The following CPNE4 variants were observed in gnomAD, a reference collection of about 807,000 sequenced individuals.
The protein encoded by CPNE4 is copine-4.
A neutral mutation model predicts 67.9 loss-of-function variants in CPNE4; 25 were observed. That is an observed-to-expected ratio of 0.37 (90% CI 0.27 to 0.51). The LOEUF is 0.51. Ranked by LOEUF, CPNE4 falls within the 20% of genes least tolerant of loss-of-function variation. The pLI, the probability that CPNE4 is intolerant of heterozygous loss-of-function variation, is 0.93. For missense variants in CPNE4, 464 were observed against 690.8 expected, an observed-to-expected ratio of 0.67 and a Z score of 3.68; for synonymous variants, 242 against 244.9, an observed-to-expected ratio of 0.99 and a Z score of 0.11.
At chr3:131,845,877 G>A (rs1368294322) in intron 2 of CPNE4, among the ~76,000 whole-genome samples, 1 of 152,142 alleles carries the variant, frequency 6.6e-6, no homozygotes, top group African/African-American at 2.4e-5. Context: ...TACATGCTTT[G>A]TATTGTGACA....
chr3:131,632,176 AT>A (rs1348388041), intron 7 of CPNE4, among the ~76,000 whole-genome samples: 16 of 151,526 alleles, frequency 1.1e-4, no homozygotes, highest in Non-Finnish European at 5.9e-5. Flanking sequence ...TGCCTGGCTA[AT>A]TTTTGTATTT....
intron 7 of CPNE4, among the ~76,000 whole-genome samples, chr3:131,659,697 C>T (rs1026829953): frequency 6.6e-6 from 1 of 152,192 alleles, no homozygotes; most frequent in African/African-American, 2.4e-5. Context: ...CTTTTGGCCT[C>T]TTCCCTCATA....
chr3:131,845,144 A>G (rs1051547930), intron 2 of CPNE4, among the ~76,000 whole-genome samples: 6 of 152,226 alleles, frequency 3.9e-5, no homozygotes, highest in Non-Finnish European at 8.8e-5. Flanking sequence ...AGACCTGCTT[A>G]AAAGCCTTAG....
intron 7 of CPNE4, among the ~76,000 whole-genome samples, chr3:131,627,026 C>T (rs2079090281): frequency 6.6e-6 from 1 of 151,856 alleles, no homozygotes; most frequent in African/African-American, 2.4e-5. Flanking sequence ...AACCCTGTCT[C>T]TACTAAAAAC....
At position 131,929,487 on chromosome 3, in the gene CPNE4, T is replaced by G. The variant is rs1267398528; in HGVS notation, c.-1-24043A>C. Among the ~76,000 whole-genome samples, 3 of 152,258 alleles carry G rather than the reference T, an allele frequency of 2.0e-5. No individual in the cohort carries two copies. The East Asian group carries it at 5.8e-4, about 29-fold the overall frequency. On this transcript the variant is annotated intron_variant, in intron 1 of 15. Transcript: ENST00000429747. ...AATCTGTCTGCTTTGGGCTTCTCTT[T>G]TGTTGGGAAATACATAAAAAATCAG...
chr3:131,650,955 T>C (rs2079802242), intron 7 of CPNE4, among the ~76,000 whole-genome samples: 1 of 152,256 alleles, frequency 6.6e-6, no homozygotes, highest in African/African-American at 2.4e-5. Flanking sequence ...CTTTGCTAGT[T>C]ATCCATGATA....
intron 7 of CPNE4, among the ~76,000 whole-genome samples, chr3:131,634,213 A>G (rs2079315718): frequency 6.6e-6 from 1 of 152,174 alleles, no homozygotes; most frequent in Non-Finnish European, 1.5e-5. Flanking sequence ...CAACATGCAT[A>G]CTTATCCTTC....
chr3:131,742,186 G>T (rs2082373698), intron 2 of CPNE4, among the ~76,000 whole-genome samples: 1 of 152,178 alleles, frequency 6.6e-6, no homozygotes, highest in African/African-American at 2.4e-5. Context: ...AAAGCCAATT[G>T]CCTTCTCCAA....
chr3:131,645,260 C>T (rs572578152), intron 7 of CPNE4, among the ~76,000 whole-genome samples: 60 of 152,318 alleles, frequency 3.9e-4, no homozygotes, highest in African/African-American at 1.4e-3. Flanking sequence ...TAACTAGTTA[C>T]AGATAATATC....
At chr3:131,919,258 T>C (rs2070675179) in intron 1 of CPNE4, among the ~76,000 whole-genome samples, 1 of 152,198 alleles carries the variant, frequency 6.6e-6, no homozygotes, top group African/African-American at 2.4e-5. Context: ...TGGATAGATT[T>C]CTTTCCAATC....
intron 7 of CPNE4, among the ~76,000 whole-genome samples, chr3:131,668,156 C>G (rs1480537335): frequency 6.6e-6 from 1 of 152,118 alleles, no homozygotes; most frequent in Non-Finnish European, 1.5e-5. Context: ...AACATGTCTG[C>G]TAAGAGTTCA....
chr3:131,969,765 G>C (rs1247893889), intron 1 of CPNE4, among the ~76,000 whole-genome samples: 1 of 152,160 alleles, frequency 6.6e-6, no homozygotes, highest in African/African-American at 2.4e-5. Context: ...TAAATGACAT[G>C]TATATGCTTG....
intron 2 of CPNE4, among the ~76,000 whole-genome samples, chr3:131,902,220 GAGACTTTCTAGGT>G (rs1335860759): frequency 6.6e-6 from 1 of 152,050 alleles, no homozygotes; most frequent in Non-Finnish European, 1.5e-5. Context: ...GTTATAGAGT[GAGACTTTCTAGGT>G]AAAGGAAGCC....
At chr3:131,717,906 CTT>C (rs762185099) in intron 3 of CPNE4, among the ~76,000 whole-genome samples, 5,572 of 136,420 alleles carry the variant, frequency 0.041, 323 homozygotes, top group East Asian at 0.087. Flanking sequence ...TTCTTTCTTT[CTT>C]TCTTTCTTTC....
chr3:131,820,735 A>G (rs1332567023), intron 2 of CPNE4, among the ~76,000 whole-genome samples: 1 of 152,152 alleles, frequency 6.6e-6, no homozygotes, highest in African/African-American at 2.4e-5. Context: ...AGAAACACAC[A>G]CTCATCTCTT....
intron 2 of CPNE4, among the ~76,000 whole-genome samples, chr3:131,808,708 C>T (rs1449773400): frequency 6.6e-6 from 1 of 152,112 alleles, no homozygotes. Context: ...AAGAAACATT[C>T]TGTGAGAAAA....
chr3:131,625,177 A>G (rs759990708), intron 7 of CPNE4, among the ~76,000 whole-genome samples: 4 of 152,174 alleles, frequency 2.6e-5, no homozygotes, highest in Non-Finnish European at 4.4e-5. Context: ...TAACAGTACA[A>G]TTAACCACAC....
chr3:131,923,020 G>T (rs1399345556), intron 1 of CPNE4, among the ~76,000 whole-genome samples: 1 of 152,120 alleles, frequency 6.6e-6, no homozygotes, highest in South Asian at 2.1e-4. Flanking sequence ...TTTGGTTTGG[G>T]CCAAAACCTT....
At chr3:131,626,538 G>A (rs55751722) in intron 7 of CPNE4, among the ~76,000 whole-genome samples, 41,693 of 151,896 alleles carry the variant, frequency 0.27, 9,411 homozygotes, top group African/African-American at 0.63. Flanking sequence ...TGAGAGAGGT[G>A]AGGAAGCTGC....
Sources: gnomAD v4.1 joint callset for allele counts (sites outside exome capture counted in the v4.1 genomes callset) on GRCh38, gnomAD v4.1.1 for gene constraint, MANE v1.5 for transcripts, NCBI Gene and HGNC (gene_info 2026-07-23, HGNC 2026-07-21) for gene names.